The following NBEA variants were observed in gnomAD, a reference collection of about 807,000 sequenced individuals.
The protein encoded by NBEA is lysosomal-trafficking regulator 2.
NBEA carries 44 observed loss-of-function variants against 343.4 expected under a neutral mutation model. The observed-to-expected ratio is 0.13, with a 90% CI of 0.10 to 0.16. The LOEUF (loss-of-function observed/expected upper bound fraction) is 0.16. Ranked by LOEUF, NBEA falls within the 10% of genes least tolerant of loss-of-function variation. NBEA has a pLI of 1.00. For missense variants in NBEA, 2,555 were observed against 3,631.3 expected, an observed-to-expected ratio of 0.70 and a Z score of 7.62; for synonymous variants, 1,175 against 1,238.7, an observed-to-expected ratio of 0.95 and a Z score of 1.08.
At chr13:35,349,068 C>G (rs749809387) in intron 36 of NBEA, 40 bp from the exon 37 acceptor site, 2 of 1,167,400 alleles carry the variant, frequency 1.7e-6, no homozygotes, top group Non-Finnish European at 2.4e-6. Flanking sequence ...CTGACCAAAG[C>G]TATTAAGAAT....
intron 52 of NBEA, 71 bp from the exon 53 acceptor site, chr13:35,651,734 C>T: frequency 1.1e-6 from 1 of 876,366 alleles, no homozygotes. Context: ...CATCATAAAA[C>T]ACTACCCATT....
At chr13:35,558,308 A>G (rs2079680234) in intron 44 of NBEA, among the ~76,000 whole-genome samples, 1 of 152,140 alleles carries the variant, frequency 6.6e-6, no homozygotes, top group Admixed American at 6.6e-5. Flanking sequence ...AAAAAGTATT[A>G]TAATGGGAGT....
Position 35,654,989 on chromosome 13 carries a change from A to G in NBEA, c.8170A>G (p.Arg2724Gly). 5 of 1,552,974 alleles carry G rather than the reference A, an allele frequency of 3.2e-6. No homozygotes were observed. Among genetic ancestry groups the G allele is most frequent in the Non-Finnish European group, 4.3e-6 (5 of 1,156,664 alleles). Residue 2724 changes from arginine (R) to glycine (G), a missense_variant, in exon 54 of 59, where the codon AGA becomes GGA. Physicochemically the swap from Arg to Gly is moderately radical, Grantham distance 125 (BLOSUM62 -2). This residue lies in a region of NBEA where 186 missense variants were observed against 328.9 expected (regional missense o/e 0.57). Coordinates refer to ENST00000379939, the MANE Select transcript of NBEA (RefSeq NM_001385012.1). ...LICGFWDKSF[R>G]VYSTETGKLT... ...CTGTGGATTCTGGGATAAGAGCTTC[A>G]GAGTTTATTCTACAGAAACAGGTAA...
At chr13:35,160,131 T>C in intron 22 of NBEA, 99 bp downstream of exon 22, 3 of 1,095,326 alleles carry the variant, frequency 2.7e-6, no homozygotes, top group Non-Finnish European at 3.8e-6. Context: ...TTCATGTTTA[T>C]ATTGAATTAT....
intron 41 of NBEA, among the ~76,000 whole-genome samples, chr13:35,543,049 T>A (rs1435847541): frequency 6.6e-6 from 1 of 152,144 alleles, no homozygotes; most frequent in Non-Finnish European, 1.5e-5. Flanking sequence ...TTTAGGTTCC[T>A]AAGACCATAA....
chr13:35,296,172 A>G (rs945906686), intron 35 of NBEA, among the ~76,000 whole-genome samples: 6 of 152,134 alleles, frequency 3.9e-5, no homozygotes, highest in Non-Finnish European at 8.8e-5. Context: ...CAGGTGGATC[A>G]TGAGTTCGGG....
intron 34 of NBEA, among the ~76,000 whole-genome samples, chr13:35,242,166 T>C (rs907331888): frequency 6.6e-6 from 1 of 151,832 alleles, no homozygotes; most frequent in Non-Finnish European, 1.5e-5. Context: ...GACTGTCAAC[T>C]AAACAAAATT....
At chr13:35,463,331 A>G (rs998655513) in intron 40 of NBEA, among the ~76,000 whole-genome samples, 1 of 152,234 alleles carries the variant, frequency 6.6e-6, no homozygotes, top group African/African-American at 2.4e-5. Flanking sequence ...GAGTTTAAAA[A>G]TAAGTTGCAG....
chr13:35,552,999 C>T (rs1278456530), intron 43 of NBEA, among the ~76,000 whole-genome samples: 1 of 151,950 alleles, frequency 6.6e-6, no homozygotes, highest in Non-Finnish European at 1.5e-5. Flanking sequence ...TCAGGAGATC[C>T]TCCCACCTCA....
chr13:35,341,366 A>G (rs1311563005), intron 36 of NBEA, among the ~76,000 whole-genome samples: 2 of 152,076 alleles, frequency 1.3e-5, no homozygotes, highest in African/African-American at 4.8e-5. Context: ...TATGACACCA[A>G]AAGGACAAGC....
At chr13:35,188,765 C>T (rs1234859242) in intron 30 of NBEA, among the ~76,000 whole-genome samples, 1 of 152,078 alleles carries the variant, frequency 6.6e-6, no homozygotes, top group Non-Finnish European at 1.5e-5. Flanking sequence ...ATTATTGAAT[C>T]GTATGGTAGT....
chr13:35,663,447 T>C (rs2085200722), intron 55 of NBEA, among the ~76,000 whole-genome samples: 1 of 152,224 alleles, frequency 6.6e-6, no homozygotes, highest in Non-Finnish European at 1.5e-5. Context: ...TGACAGGATT[T>C]CTTTTTTTTT....
At chr13:35,268,759 T>A (rs73489551) in intron 34 of NBEA, among the ~76,000 whole-genome samples, 6,397 of 152,134 alleles carry the variant, frequency 0.042, 282 homozygotes, top group East Asian at 0.16. Context: ...AAGGTCCATT[T>A]TAATGTATGA....
chr13:34,971,167 C>T (rs1489840447), intron 1 of NBEA, among the ~76,000 whole-genome samples: 1 of 151,942 alleles, frequency 6.6e-6, no homozygotes, highest in African/African-American at 2.4e-5. Flanking sequence ...TGTGGTTTGG[C>T]TCTCAGTGGG....
intron 10 of NBEA, among the ~76,000 whole-genome samples, chr13:35,090,421 A>G (rs1419397691): frequency 1.3e-5 from 2 of 151,998 alleles, no homozygotes; most frequent in African/African-American, 4.8e-5. Context: ...GGAAAATGAC[A>G]TGAGAATTAT....
chr13:35,225,318 A>G lies in NBEA; in HGVS notation c.5649-7174A>G, dbSNP rs1251835727. Among the ~76,000 whole-genome samples the G allele has an allele frequency of 2.0e-5, 3 of 151,998 alleles. No individual in the cohort carries two copies. The East Asian group carries it at 5.8e-4, about 29-fold the overall frequency. The stretch of plus-strand genomic sequence containing the variant: ...CAGAACGTTTCCCTTCCCCTCCCTC[A>G]GAGTAGAGGGTTTTTTATGTTCCTT... On this transcript the variant is annotated intron_variant, in intron 33 of 58. Coordinates refer to ENST00000379939, the MANE Select transcript of NBEA (RefSeq NM_001385012.1).
chr13:34,998,129 A>C (rs986745346), intron 1 of NBEA, among the ~76,000 whole-genome samples: 20 of 152,094 alleles, frequency 1.3e-4, no homozygotes, highest in African/African-American at 3.6e-4. Flanking sequence ...TATCCGGGGG[A>C]GATATCACAT....
intron 34 of NBEA, among the ~76,000 whole-genome samples, chr13:35,284,275 G>A (rs2035270262): frequency 6.6e-6 from 1 of 152,082 alleles, no homozygotes; most frequent in Admixed American, 6.6e-5. Context: ...CAGTAAGACT[G>A]CCATAAGTTT....
intron 1 of NBEA, among the ~76,000 whole-genome samples, chr13:34,976,647 G>GTTT (rs1279170590): frequency 7.0e-5 from 10 of 141,868 alleles, no homozygotes; most frequent in African/African-American, 2.6e-4. Flanking sequence ...TTTTTTCTTT[G>GTTT]TTTTTTGTTT....
Sources: gnomAD v4.1 joint callset for allele counts (sites outside exome capture counted in the v4.1 genomes callset) on GRCh38, gnomAD v4.1.1 for gene constraint, gnomAD v4.1.1 regional missense constraint, MANE v1.5 for transcripts, NCBI Gene and HGNC (gene_info 2026-07-23, HGNC 2026-07-21) for gene names.